ATP10D: variants seen among roughly 807,000 people sequenced by gnomAD.
The protein encoded by ATP10D is phospholipid-transporting ATPase VD.
A neutral mutation model predicts 144.8 loss-of-function variants in ATP10D; 89 were observed. That is an observed-to-expected ratio of 0.61 (90% CI 0.52 to 0.73). The LOEUF is 0.73. Among genes scored for constraint, ATP10D ranks in the 30% least tolerant of loss-of-function variants. The pLI, the probability that ATP10D is intolerant of heterozygous loss-of-function variation, is 0.00. For missense variants in ATP10D, 1,603 were observed against 1,714.8 expected (o/e 0.93, Z 1.15); for synonymous variants, 571 against 615.1 (o/e 0.93, Z 1.06).
In ATP10D at chr4:47,572,971, A is replaced by G. The variant is rs771795320; in HGVS notation, c.3340A>G (p.Ile1114Val). ...HWCYTRLSNM[I>V]LYFFYKNVAY... ...GTGTTATACACGGCTTTCCAACATG[A>G]TTCTCTATTTTTTCTATAAGAATGT... The change falls in exon 18 of 23, where the codon ATT becomes GTT. Residue 1114 changes from isoleucine (I) to valine (V), a missense_variant. Coordinates refer to ENST00000273859, the MANE Select transcript of ATP10D (RefSeq NM_020453.4). 5.0e-6 allele frequency: 8 copies of G among 1,614,068 alleles called. No individual in the cohort carries two copies. In the East Asian group the frequency reaches 1.8e-4, roughly 36 times the overall value.
chr4:47,513,008 A>G (rs908145812), intron 2 of ATP10D, among the ~76,000 whole-genome samples, 178 bp downstream of exon 2: 7 of 152,084 alleles, frequency 4.6e-5, no homozygotes, highest in Non-Finnish European at 1.0e-4. Context: ...AGCACTTTCC[A>G]ATTGGAAAGG....
intron 3 of ATP10D, among the ~76,000 whole-genome samples, chr4:47,518,852 G>A (rs1239502329): frequency 6.6e-6 from 1 of 152,150 alleles, no homozygotes; most frequent in Non-Finnish European, 1.5e-5. Context: ...TGAGAGGGTA[G>A]ACTCTGGATA....
chr4:47,554,273 T>C (rs543291741), intron 10 of ATP10D, among the ~76,000 whole-genome samples: 28 of 152,326 alleles, frequency 1.8e-4, no homozygotes, highest in African/African-American at 6.3e-4. Flanking sequence ...TTTTTTACAA[T>C]AGCAGTAACT....
chr4:47,512,621 A>G lies in ATP10D; in HGVS notation c.81A>G (p.Pro27=), dbSNP rs1716401878. 1.9e-6 allele frequency: 3 copies of G among 1,614,184 alleles called. No individual in the cohort carries two copies. Among genetic ancestry groups the G allele is most frequent in the Non-Finnish European group, 2.5e-6 (3 of 1,180,034 alleles). The change falls in exon 2 of 23, where the codon CCA becomes CCG. Residue 27 remains proline (P), a synonymous_variant. Transcript: ENST00000273859. ...RGATRDDDSG[P]YNYSSLLACG... ...CAACCAGGGATGATGATTCAGGGCCATACAACTATTCCTCGTTGCTCGCCT... is the reference window on the plus strand; with the variant it reads ...CAACCAGGGATGATGATTCAGGGCCGTACAACTATTCCTCGTTGCTCGCCT...
In ATP10D at chr4:47,536,706, CTA is replaced by C. The variant is rs761536460; in HGVS notation, c.1166_1167del (p.Tyr389CysfsTer17). The part of the protein sequence containing the change: ...LLQVLIPISL[Y>X]VSIEIVKLGQ... ...CTTAGGTCTTGATTCCTATTTCTCT[CTA>C]TGTTTCCATCGAAATTGTGAAGCTT... is the stretch of plus-strand genomic sequence containing the variant. On this transcript the variant is annotated frameshift_variant, in exon 9 of 23. Coordinates refer to ENST00000273859, the MANE Select transcript of ATP10D (RefSeq NM_020453.4). LOFTEE classifies it high-confidence loss of function. The C allele has an allele frequency of 2.6e-4, 419 of 1,611,286 alleles. No individual in the cohort carries two copies. The highest frequency in any genetic ancestry group is 1.5e-3 in the Middle Eastern group (9 of 6,032).
intron 14 of ATP10D, 77 bp downstream of exon 14, chr4:47,561,152 C>T: frequency 6.4e-7 from 1 of 1,552,022 alleles, no homozygotes; most frequent in Non-Finnish European, 8.8e-7. Context: ...GGGTTATTTT[C>T]TTCCATTGTT....
intron 21 of ATP10D, among the ~76,000 whole-genome samples, chr4:47,582,459 T>C (rs991919237): frequency 6.6e-6 from 1 of 152,188 alleles, no homozygotes; most frequent in African/African-American, 2.4e-5. Context: ...AGAAAAAATC[T>C]TTTTTGGCTC....
intron 1 of ATP10D, among the ~76,000 whole-genome samples, chr4:47,500,849 A>C (rs1263520848): frequency 6.6e-6 from 1 of 152,204 alleles, no homozygotes; most frequent in Non-Finnish European, 1.5e-5. Flanking sequence ...ATTGGATGTA[A>C]AGAGGAGAAA....
At chr4:47,545,456 C>A (rs1392393408) in intron 9 of ATP10D, among the ~76,000 whole-genome samples, 1 of 152,150 alleles carries the variant, frequency 6.6e-6, no homozygotes, top group African/African-American at 2.4e-5. Flanking sequence ...GCAAGGAGAC[C>A]AGTTATGAGA....
chr4:47,512,972 G>T, intron 2 of ATP10D, 142 bp downstream of exon 2: 1 of 817,086 alleles, frequency 1.2e-6, no homozygotes, highest in Non-Finnish European at 1.8e-6. Flanking sequence ...AATCTGTTGT[G>T]GAATGATGAC....
intron 10 of ATP10D, among the ~76,000 whole-genome samples, chr4:47,550,429 A>G (rs761036741): frequency 7.2e-5 from 11 of 152,138 alleles, no homozygotes; most frequent in Non-Finnish European, 1.2e-4. Context: ...GAGAGAGAGA[A>G]AAAAAAGGAA....
intron 1 of ATP10D, among the ~76,000 whole-genome samples, chr4:47,503,449 C>T (rs1017938552): frequency 2.6e-5 from 4 of 152,174 alleles, no homozygotes; most frequent in Admixed American, 1.3e-4. Context: ...TGCTTCAGTA[C>T]AGTTGACCTT....
chr4:47,516,429 G>A (rs1164218105), intron 3 of ATP10D, among the ~76,000 whole-genome samples: 1 of 152,162 alleles, frequency 6.6e-6, no homozygotes, highest in African/African-American at 2.4e-5. Flanking sequence ...TAAACTCAGT[G>A]AAGGTGAGTC....
At chr4:47,506,037 G>C (rs868866142) in intron 1 of ATP10D, among the ~76,000 whole-genome samples, 1 of 152,178 alleles carries the variant, frequency 6.6e-6, no homozygotes, top group Middle Eastern at 3.4e-3. Flanking sequence ...AACTAAATCT[G>C]CCTTCAAGCA....
rs1046236818 is a variant in ATP10D, at chr4:47,572,153, G to C, written c.3164-1G>C. On this transcript the variant is annotated splice_acceptor_variant, in intron 16 of 22. Transcript: ENST00000273859. LOFTEE classifies it high-confidence loss of function. ...CTCTCCTTTTTTTCTGCCTCATGAA[G>C]GTGATGGTGCCAATGATGTTAGCAT... 3.1e-6 allele frequency: 5 copies of C among 1,613,806 alleles called. No homozygotes were observed. Among genetic ancestry groups the C allele is most frequent in the Non-Finnish European group, 8.5e-7 (1 of 1,179,894 alleles).
intron 14 of ATP10D, 48 bp downstream of exon 14, chr4:47,561,123 A>C: frequency 6.2e-7 from 1 of 1,605,698 alleles, no homozygotes; most frequent in East Asian, 2.2e-5. Context: ...TTTGAAAAAC[A>C]CTGGATATCT....
At chr4:47,540,737 T>C (rs1395321112) in intron 9 of ATP10D, among the ~76,000 whole-genome samples, 1 of 152,214 alleles carries the variant, frequency 6.6e-6, no homozygotes, top group Non-Finnish European at 1.5e-5. Flanking sequence ...TTATTTGGAC[T>C]TCCTTCATTT....
At position 47,580,458 on chromosome 4, in the gene ATP10D, T is replaced by G. The variant is rs1326952580; in HGVS notation, c.3628T>G (p.Cys1210Gly). 1 of 1,613,014 alleles carries G rather than the reference T, an allele frequency of 6.2e-7. No individual in the cohort carries two copies. Among genetic ancestry groups the G allele is most frequent in the Admixed American group, 1.7e-5 (1 of 60,024 alleles). Reference protein sequence around the residue: ...LLDAFYQSLVCFFVPYFTYQG... With the variant: ...LLDAFYQSLVGFFVPYFTYQG... ...GGATGCTTTTTATCAAAGCCTGGTC[T>G]GCTTCTTTGTGCCTTATTTTGTGAG... The change falls in exon 20 of 23, where the codon TGC (cysteine) becomes GGC (glycine). Residue 1210 changes from cysteine (C) to glycine (G), a missense_variant. By Grantham distance (159) the Cys-to-Gly change is radical. Transcript: ENST00000273859.
chr4:47,545,338 A>G (rs572706633), intron 9 of ATP10D, among the ~76,000 whole-genome samples: 18 of 152,358 alleles, frequency 1.2e-4, no homozygotes, highest in African/African-American at 4.3e-4. Flanking sequence ...ATTTTATTCT[A>G]AGTGAATTGT....
Sources: allele counts gnomAD v4.1 joint callset (sites outside exome capture counted in the v4.1 genomes callset), GRCh38; gene constraint gnomAD v4.1.1; transcripts MANE v1.5; gene names NCBI Gene and HGNC (gene_info 2026-07-23, HGNC 2026-07-21).